The following IFNA2 variants were observed in gnomAD, a reference collection of about 807,000 sequenced individuals.
The protein encoded by IFNA2 is interferon alpha-2.
For missense variants in IFNA2, 260 were observed against 210.3 expected (o/e 1.24, Z -1.46); for synonymous variants, 91 against 80.7 (o/e 1.13, Z -0.68).
chr9:21,384,675 C>G lies in IFNA2; in HGVS notation c.*88G>C. On this transcript the variant is annotated 3_prime_UTR_variant, in exon 1 of 1. Coordinates refer to ENST00000380206, the MANE Select transcript of IFNA2 (RefSeq NM_000605.4). ...GATTTAAATCGTGTCATGGTCATAG[C>G]AGAAACATGAGTCTTTGAAATGGCA... 7.7e-7 allele frequency: 1 copy of G among 1,302,062 alleles called. No individual in the cohort carries two copies. The highest frequency in any genetic ancestry group is 1.1e-6 in the Non-Finnish European group (1 of 941,986). 80.7% of individuals were successfully genotyped at this position (1,302,062 alleles called of 1,614,324 possible). A position where few individuals can be genotyped will look rare whatever the true frequency, so the allele number is the denominator to read the frequency against.
At chr9:21,384,945 TC>T in the IFNA2 span, 3 of 1,613,874 alleles carry the variant, frequency 1.9e-6, no homozygotes, top group African/African-American at 2.7e-5. Context: ...GGAGTCTCTG[TC>T]ACCCCCACCC....
At position 21,384,903 on chromosome 9, in the gene IFNA2, T is replaced by C. The variant is rs373475123; in HGVS notation, c.427A>G (p.Arg143Gly). 1.4e-5 allele frequency: 23 copies of C among 1,613,966 alleles called. No homozygotes were observed. The highest frequency in any genetic ancestry group is 4.0e-5 in the African/African-American group (3 of 74,906). The change falls in exon 1 of 1, where the codon AGG (arginine) becomes GGG (glycine). Residue 143 changes from arginine (R) to glycine (G), a missense_variant. Physicochemically the swap from Arg to Gly is moderately radical, Grantham distance 125. Coordinates refer to ENST00000380206, the MANE Select transcript of IFNA2 (RefSeq NM_000605.4). ...LMKEDSILAV[R>G]KYFQRITLYL... is the part of the protein sequence containing the mutation. ...AGAGTGATTCTTTGGAAGTATTTCC[T>C]CACAGCCAGAATGGAGTCCTCCTTC...
rs1481247476 is a variant in IFNA2 at position 21,384,814 on chromosome 9, T to C, written c.516A>G (p.Arg172=). 1.2e-6 allele frequency: 2 copies of C among 1,613,198 alleles called. No homozygotes were observed. The highest frequency in any genetic ancestry group is 1.7e-6 in the Non-Finnish European group (2 of 1,179,696). The change falls in exon 1 of 1, where the codon AGA becomes AGG. Residue 172 remains arginine, a synonymous_variant. Transcript: ENST00000380206. The part of the protein sequence containing the change: ...AWEVVRAEIM[R]SFSLSTNLQE... The stretch of plus-strand genomic sequence containing the variant: ...GCAAGTTTGTTGACAAAGAAAAAGA[T>C]CTCATGATTTCTGCTCTGACAACCT...
Position 21,385,383 on chromosome 9 carries a change from A to G in IFNA2, c.-54T>C. The G allele has an allele frequency of 1.4e-6, 2 of 1,434,276 alleles. No homozygotes were observed. The highest frequency in any genetic ancestry group is 1.9e-6 in the Non-Finnish European group (2 of 1,053,608). 88.8% of individuals were successfully genotyped at this position (1,434,276 alleles called of 1,614,324 possible). A position where few individuals can be genotyped will look rare whatever the true frequency, so the allele number is the denominator to read the frequency against. On this transcript the variant is annotated 5_prime_UTR_variant, in exon 1 of 1. Transcript: ENST00000380206. ...GTTGAAATGGGTGAGCCTAAACCTT[A>G]GGCTCCAGGTTCTCTGAAGACCTTG...
Position 21,384,601 on chromosome 9 carries a change from T to G in IFNA2, c.*162A>C. On this transcript the variant is annotated 3_prime_UTR_variant, in exon 1 of 1. Coordinates refer to ENST00000380206, the MANE Select transcript of IFNA2 (RefSeq NM_000605.4). Reference sequence around the variant, plus strand: ...TGGTCCTCTGTAAGGGACTAGTGCCTTAAGAGCTGAATACAATGTTGATTA... The same window carrying G: ...TGGTCCTCTGTAAGGGACTAGTGCCGTAAGAGCTGAATACAATGTTGATTA... 1 of 636,452 alleles carries G rather than the reference T, an allele frequency of 1.6e-6. No homozygotes were observed. Among genetic ancestry groups the G allele is most frequent in the Non-Finnish European group, 2.5e-6 (1 of 402,488 alleles). The allele number at this position is 636,452 out of a possible 1,614,324, so 39.4% of individuals were successfully genotyped here.
Position 21,384,668 on chromosome 9 carries a change from G to C in IFNA2, c.*95C>G. 1.6e-6 allele frequency: 2 copies of C among 1,251,368 alleles called. No individual in the cohort carries two copies. Among genetic ancestry groups the C allele is most frequent in the Non-Finnish European group, 2.2e-6 (2 of 899,322 alleles). 77.5% of individuals were successfully genotyped at this position (1,251,368 alleles called of 1,614,324 possible). A position where few individuals can be genotyped will look rare whatever the true frequency, so the allele number is the denominator to read the frequency against. On this transcript the variant is annotated 3_prime_UTR_variant, in exon 1 of 1. Transcript: ENST00000380206. ...TTGAAAAGATTTAAATCGTGTCATG[G>C]TCATAGCAGAAACATGAGTCTTTGA...
In IFNA2 at chr9:21,384,723, A is replaced by T; in HGVS notation, c.*40T>A. ...GCAGATCATAAAAAGGTGAGCTGGC[A>T]TACGAATCAATGAAAATCATTTCCA... On this transcript the variant is annotated 3_prime_UTR_variant, in exon 1 of 1. Transcript: ENST00000380206. 6.5e-7 allele frequency: 1 copy of T among 1,532,910 alleles called. No homozygotes were observed. Among genetic ancestry groups the T allele is most frequent in the Non-Finnish European group, 8.8e-7 (1 of 1,132,368 alleles). The allele number at this position is 1,532,910 out of a possible 1,614,324, so 95.0% of individuals were successfully genotyped here. A position where few individuals can be genotyped will look rare whatever the true frequency, so the allele number is the denominator to read the frequency against.
Position 21,384,479 on chromosome 9 carries a change from T to A in IFNA2, c.*284A>T, listed in dbSNP as rs140051269. 8.5e-4 allele frequency: 131 copies of A among 154,946 alleles called. No homozygotes were observed. Among genetic ancestry groups the A allele is most frequent in the Non-Finnish European group, 1.4e-3 (100 of 70,102 alleles). 9.6% of individuals were successfully genotyped at this position (154,946 alleles called of 1,614,324 possible). ...TATTACATTAACCACTGTGCAAAGG[T>A]GCACATGACATAATATGAACAAAAA... is the stretch of plus-strand genomic sequence containing the variant. On this transcript the variant is annotated 3_prime_UTR_variant, in exon 1 of 1. Transcript: ENST00000380206.
rs1436984078 is a variant in IFNA2, at chr9:21,384,609, T to G, written c.*154A>C. The G allele has an allele frequency of 4.3e-6, 3 of 703,488 alleles. No homozygotes were observed. The highest frequency in any genetic ancestry group is 6.6e-6 in the Non-Finnish European group (3 of 456,202). The allele number at this position is 703,488 out of a possible 1,614,324, so 43.6% of individuals were successfully genotyped here. A position where few individuals can be genotyped will look rare whatever the true frequency, so the allele number is the denominator to read the frequency against. The stretch of plus-strand genomic sequence containing the variant: ...TGTAAGGGACTAGTGCCTTAAGAGC[T>G]GAATACAATGTTGATTAATACTCCT... On this transcript the variant is annotated 3_prime_UTR_variant, in exon 1 of 1. Coordinates refer to ENST00000380206, the MANE Select transcript of IFNA2 (RefSeq NM_000605.4).
rs900366311 is a variant in IFNA2, at chr9:21,385,216, C to T, written c.114G>A (p.Leu38=). ...QTHSLGSRRT[L]MLLAQMRRIS... is the part of the protein sequence containing the mutation. The stretch of plus-strand genomic sequence containing the variant: ...TTCTCCTCATCTGTGCCAGGAGCAT[C>T]AAGGTCCTCCTGCTACCCAGGCTGT... The change falls in exon 1 of 1, where the codon TTG becomes TTA. Residue 38 remains leucine (L), a synonymous_variant. Transcript: ENST00000380206. 2 of 1,614,036 alleles carry T rather than the reference C, an allele frequency of 1.2e-6. No homozygotes were observed. The highest frequency in any genetic ancestry group is 1.7e-6 in the Non-Finnish European group (2 of 1,180,010).
chr9:21,385,202 T>C lies in IFNA2; in HGVS notation c.128A>G (p.Gln43Arg), dbSNP rs371901883. The change falls in exon 1 of 1, where the codon CAG becomes CGG. Residue 43 changes from glutamine to arginine, a missense_variant. Transcript: ENST00000380206. ...GSRRTLMLLA[Q>R]MRRISLFSCL... The stretch of plus-strand genomic sequence containing the variant: ...GGAGAAAAGAGAGATTCTCCTCATC[T>C]GTGCCAGGAGCATCAAGGTCCTCCT... 6 of 1,613,904 alleles carry C rather than the reference T, an allele frequency of 3.7e-6. No homozygotes were observed. In the African/African-American group the frequency reaches 8.0e-5, roughly 22 times the overall value.
Position 21,385,003 on chromosome 9 carries a change from A to G in IFNA2, c.327T>C (p.Thr109=). ...WDETLLDKFY[T]ELYQQLNDLE... ...GGTCATTCAGCTGCTGGTAGAGTTC[A>G]GTGTAGAATTTGTCTAGGAGGGTCT... The change falls in exon 1 of 1, where the codon ACT becomes ACC. Residue 109 remains threonine (T), a synonymous_variant. Coordinates refer to ENST00000380206, the MANE Select transcript of IFNA2 (RefSeq NM_000605.4). The G allele has an allele frequency of 6.2e-7, 1 of 1,613,858 alleles. No individual in the cohort carries two copies. The highest frequency in any genetic ancestry group is 8.5e-7 in the Non-Finnish European group (1 of 1,179,918).
Position 21,384,671 on chromosome 9 carries a change from A to T in IFNA2, c.*92T>A, listed in dbSNP as rs968148131. On this transcript the variant is annotated 3_prime_UTR_variant, in exon 1 of 1. Transcript: ENST00000380206. ...AAAAGATTTAAATCGTGTCATGGTC[A>T]TAGCAGAAACATGAGTCTTTGAAAT... The T allele has an allele frequency of 7.8e-7, 1 of 1,275,710 alleles. No homozygotes were observed. Among genetic ancestry groups the T allele is most frequent in the African/African-American group, 1.5e-5 (1 of 66,556 alleles). The allele number at this position is 1,275,710 out of a possible 1,614,324, so 79.0% of individuals were successfully genotyped here.
chr9:21,385,270 G>A lies in IFNA2; in HGVS notation c.60C>T (p.Cys20=), dbSNP rs1404463662. The change falls in exon 1 of 1, where the codon TGC becomes TGT. Residue 20 remains cysteine (C), a synonymous_variant. Coordinates refer to ENST00000380206, the MANE Select transcript of IFNA2 (RefSeq NM_000605.4). ...TTTGAGGCAGATCACAGCCCACAGA[G>A]CAGCTTGACTTGCAGCTGAGCACCA... ...ALLVLSCKSS[C]SVGCDLPQTH... 5 of 1,613,810 alleles carry A rather than the reference G, an allele frequency of 3.1e-6. No homozygotes were observed. The highest frequency in any genetic ancestry group is 2.2e-5 in the East Asian group (1 of 44,874).
chr9:21,385,019 A>G lies in IFNA2; in HGVS notation c.311T>C (p.Leu104Pro), dbSNP rs1820864612. ...DSSAAWDETL[L>P]DKFYTELYQQ... ...GTAGAGTTCAGTGTAGAATTTGTCT[A>G]GGAGGGTCTCATCCCAAGCAGCAGA... is the stretch of plus-strand genomic sequence containing the variant. The change falls in exon 1 of 1, where the codon CTA becomes CCA. Residue 104 changes from leucine (L) to proline (P), a missense_variant. Leu to Pro is a moderately conservative substitution (Grantham distance 98). Transcript: ENST00000380206. 5 of 1,613,894 alleles carry G rather than the reference A, an allele frequency of 3.1e-6. No individual in the cohort carries two copies. The East Asian group carries it at 6.7e-5, about 22-fold the overall frequency.
In IFNA2 at chr9:21,384,700, A is replaced by G; in HGVS notation, c.*63T>C. ...CAGAAACATGAGTCTTTGAAATGGC[A>G]GATCATAAAAAGGTGAGCTGGCATA... On this transcript the variant is annotated 3_prime_UTR_variant, in exon 1 of 1. Coordinates refer to ENST00000380206, the MANE Select transcript of IFNA2 (RefSeq NM_000605.4). 7.0e-7 allele frequency: 1 copy of G among 1,432,024 alleles called. No homozygotes were observed. Among genetic ancestry groups the G allele is most frequent in the Non-Finnish European group, 9.5e-7 (1 of 1,053,736 alleles). 88.7% of individuals were successfully genotyped at this position (1,432,024 alleles called of 1,614,324 possible).
Position 21,385,168 on chromosome 9 carries a change from C to T in IFNA2, c.162G>A (p.Lys54=), listed in dbSNP as rs1181619144. ...GGGGAAATCCAAAGTCATGTCTGTC[C>T]TTCAAGCAGGAGAAAAGAGAGATTC... ...MRRISLFSCL[K]DRHDFGFPQE... Residue 54 remains lysine (K), a synonymous_variant, in exon 1 of 1, where the codon AAG becomes AAA. Coordinates refer to ENST00000380206, the MANE Select transcript of IFNA2 (RefSeq NM_000605.4). The T allele has an allele frequency of 1.2e-6, 2 of 1,613,966 alleles. No individual in the cohort carries two copies. The highest frequency in any genetic ancestry group is 1.1e-5 in the South Asian group (1 of 91,076).
chr9:21,384,320 C>T lies in IFNA2; in HGVS notation c.*443G>A, dbSNP rs1235834178. On this transcript the variant is annotated 3_prime_UTR_variant, in exon 1 of 1. Transcript: ENST00000380206. The stretch of plus-strand genomic sequence containing the variant: ...AATATTGATGGATAAATGAAGTGTA[C>T]CAGTTATTCTGTAATCAGGTTGCAC... 6.6e-6 allele frequency: 1 copy of T among 152,284 alleles called. No homozygotes were observed. The highest frequency in any genetic ancestry group is 1.9e-4 in the East Asian group (1 of 5,204). 9.4% of individuals were successfully genotyped at this position (152,284 alleles called of 1,614,324 possible).
rs1240798446 is a variant in IFNA2 at position 21,384,964 on chromosome 9, C to G, written c.366G>C (p.Val122=). The G allele has an allele frequency of 6.2e-7, 1 of 1,613,958 alleles. No homozygotes were observed. The highest frequency in any genetic ancestry group is 1.7e-5 in the Admixed American group (1 of 60,002). ...TCTCTGTCACCCCCACCCCCTGTAT[C>G]ACACAGGCTTCCAGGTCATTCAGCT... is the stretch of plus-strand genomic sequence containing the variant. ...YQQLNDLEAC[V]IQGVGVTETP... is the part of the protein sequence containing the mutation. The change falls in exon 1 of 1, where the codon GTG becomes GTC. Residue 122 remains valine (V), a synonymous_variant. Transcript: ENST00000380206.
Sources: allele counts gnomAD v4.1 joint callset, GRCh38; gene constraint gnomAD v4.1.1; transcripts MANE v1.5; gene names NCBI Gene and HGNC (gene_info 2026-07-23, HGNC 2026-07-21).